MSANTD1: variants seen among roughly 807,000 people sequenced by gnomAD.
MSANTD1 encodes the protein myb/SANT-like DNA-binding domain-containing protein 1.
In MSANTD1, 7 loss-of-function variants were observed where a neutral mutation model predicts 24.2. The ratio of observed to expected loss-of-function variants is 0.29; its 90% CI spans 0.16 to 0.54. The LOEUF (loss-of-function observed/expected upper bound fraction) is 0.54. MSANTD1 is among the 20% of genes least tolerant of loss of function. MSANTD1 has a pLI of 0.94. For missense variants in MSANTD1, 384 were observed against 408.2 expected (o/e 0.94, Z 0.51); for synonymous variants, 177 against 181.1 (o/e 0.98, Z 0.18).
rs774932231 is a variant in MSANTD1, at chr4:3,253,333, G to A, written c.447G>A (p.Pro149=). 1.1e-5 allele frequency: 17 copies of A among 1,609,976 alleles called. No individual in the cohort carries two copies. Among genetic ancestry groups the A allele is most frequent in the East Asian group, 2.2e-5 (1 of 44,816 alleles). The change falls in exon 2 of 3, where the codon CCG becomes CCA. Residue 149 remains proline (P), a synonymous_variant. Transcript: ENST00000438480. Reference sequence around the variant, plus strand: ...GCAAACTGCCGGACAGCCAGCCGCCGGGGCCCTCCACGTCCCAGACCGAGG... The same window carrying A: ...GCAAACTGCCGGACAGCCAGCCGCCAGGGCCCTCCACGTCCCAGACCGAGG... ...CDGKLPDSQP[P]GPSTSQTEAS...
In MSANTD1 at chr4:3,254,707, G is replaced by C. The variant is rs362288; in HGVS notation, c.597-1018G>C. Reference sequence around the variant, plus strand: ...GCAGAGCTCTCAGGAGGCGCCCACAGGGCTGGACTGCCTTTACTCACCACC... The same window carrying C: ...GCAGAGCTCTCAGGAGGCGCCCACACGGCTGGACTGCCTTTACTCACCACC... On this transcript the variant is annotated intron_variant, in intron 2 of 2. Transcript: ENST00000438480. 1.2e-3 allele frequency among the ~76,000 whole-genome samples: 183 copies of C among 152,344 alleles called. 2 individuals carry two copies. Among genetic ancestry groups the C allele is most frequent in the African/African-American group, 4.3e-3 (178 of 41,580 alleles).
In MSANTD1 at chr4:3,255,834, G is replaced by T; in HGVS notation, c.706G>T (p.Ala236Ser). The change falls in exon 3 of 3, where the codon GCC (alanine) becomes TCC (serine). Residue 236 changes from alanine (A) to serine (S), a missense_variant. Coordinates refer to ENST00000438480, the MANE Select transcript of MSANTD1 (RefSeq NM_001042690.2). ...GGAGGAGCAGCGCCGGCTGAGCCGC[G>T]CCGTGGAGGAGACCTGCCGCGAGGT... The part of the protein sequence containing the change: ...MVEEQRRLSR[A>S]VEETCREVRR... The T allele has an allele frequency of 1.3e-6, 2 of 1,545,578 alleles. No individual in the cohort carries two copies. The highest frequency in any genetic ancestry group is 2.0e-5 in the Admixed American group (1 of 50,988).
chr4:3,252,978 G>T (rs1314078173), intron 1 of MSANTD1, among the ~76,000 whole-genome samples: 1 of 152,242 alleles, frequency 6.6e-6, no homozygotes, highest in Non-Finnish European at 1.5e-5. Flanking sequence ...ACTGGGACGT[G>T]TGCTTCCTTT....
Position 3,249,329 on chromosome 4 carries a change from A to C in MSANTD1, c.107A>C (p.Gln36Pro), listed in dbSNP as rs766024388. The change falls in exon 1 of 3, where the codon CAG becomes CCG. Residue 36 changes from glutamine to proline, a missense_variant. Coordinates refer to ENST00000438480, the MANE Select transcript of MSANTD1 (RefSeq NM_001042690.2). ...AEGPGYLVSP[Q>P]AEKHRRARNW... is the part of the protein sequence containing the mutation. The stretch of plus-strand genomic sequence containing the variant: ...GGGCCCGGCTACCTCGTGTCTCCCC[A>C]GGCGGAGAAGCACCGGCGGGCCCGC... 6.4e-7 allele frequency: 1 copy of C among 1,551,258 alleles called. No individual in the cohort carries two copies. The highest frequency in any genetic ancestry group is 2.4e-5 in the East Asian group (1 of 41,438).
chr4:3,253,849 G>A (rs2110322420), intron 2 of MSANTD1, among the ~76,000 whole-genome samples: 1 of 152,334 alleles, frequency 6.6e-6, no homozygotes, highest in South Asian at 2.1e-4. Flanking sequence ...CCAAGCCCCA[G>A]ACCCCAGAAT....
chr4:3,250,379 C>G (rs1722186777), intron 1 of MSANTD1, among the ~76,000 whole-genome samples: 1 of 152,178 alleles, frequency 6.6e-6, no homozygotes, highest in South Asian at 2.1e-4. Context: ...GGTGTGGTCC[C>G]ACACACCCAG....
chr4:3,254,136 G>A (rs1371897904), intron 2 of MSANTD1, among the ~76,000 whole-genome samples: 1 of 152,222 alleles, frequency 6.6e-6, no homozygotes, highest in Non-Finnish European at 1.5e-5. Context: ...TTGAGGAGGG[G>A]ACATTTGGGG....
At chr4:3,250,919 C>T (rs80128902) in intron 1 of MSANTD1, among the ~76,000 whole-genome samples, 2 of 152,264 alleles carry the variant, frequency 1.3e-5, no homozygotes. Flanking sequence ...CCGGACAGAC[C>T]GCCAGCCTGT....
In MSANTD1 at chr4:3,254,248, T is replaced by A. The variant is rs373734357; in HGVS notation, c.596+766T>A. On this transcript the variant is annotated intron_variant, in intron 2 of 2. Transcript: ENST00000438480. ...TCCCCTGCCCTGGTCTTCAAGTCTT[T>A]CTGACAGGAGGTGTCAGAAAAGTAT... Among the ~76,000 whole-genome samples, 18 of 152,340 alleles carry A rather than the reference T, an allele frequency of 1.2e-4. No homozygotes were observed. The East Asian group carries it at 3.1e-3, about 26-fold the overall frequency.
upstream of MSANTD1, chr4:3,247,878 C>T (rs577516231): frequency 1.3e-5 from 2 of 152,308 alleles, no homozygotes; most frequent in African/African-American, 4.8e-5. Flanking sequence ...GCCTCGGTCC[C>T]ACCTCCAAGG....
At chr4:3,253,534 A>G (rs751056991) in intron 2 of MSANTD1, 52 bp downstream of exon 2, 16 of 1,430,430 alleles carry the variant, frequency 1.1e-5, no homozygotes, top group Non-Finnish European at 1.5e-5. Context: ...AGCCCCCACC[A>G]TTTAGAGAAA....
upstream of MSANTD1, chr4:3,248,864 C>A (rs947759196): frequency 1.3e-5 from 3 of 222,870 alleles, no homozygotes; most frequent in Non-Finnish European, 2.6e-5. Context: ...CCCCCTTTCT[C>A]CTTGCCTGTT....
At chr4:3,250,574 G>A (rs1006636298) in intron 1 of MSANTD1, among the ~76,000 whole-genome samples, 2 of 152,200 alleles carry the variant, frequency 1.3e-5, no homozygotes, top group Admixed American at 1.3e-4. Flanking sequence ...GTGTGGGGAG[G>A]GTCTTGCACG....
chr4:3,250,911 G>A (rs928748548), intron 1 of MSANTD1, among the ~76,000 whole-genome samples: 4 of 152,258 alleles, frequency 2.6e-5, no homozygotes, highest in African/African-American at 9.6e-5. Flanking sequence ...GCAAGGCCCC[G>A]GACAGACCGC....
At chr4:3,245,797 G>T (rs1003935082), upstream of MSANTD1, among the ~76,000 whole-genome samples, 2 of 148,664 alleles carry the variant, frequency 1.3e-5, no homozygotes, top group African/African-American at 2.6e-5. Flanking sequence ...ACATCCTCTG[G>T]GGGGGCCCGC....
upstream of MSANTD1, among the ~76,000 whole-genome samples, chr4:3,245,871 G>A (rs1382906457): frequency 6.6e-6 from 1 of 152,186 alleles, no homozygotes; most frequent in Non-Finnish European, 1.5e-5. Flanking sequence ...GGGTGTCTGG[G>A]CCCTGGGTGG....
At chr4:3,248,919 T>C (rs1391591493), upstream of MSANTD1, 1 of 314,424 alleles carries the variant, frequency 3.2e-6, no homozygotes, top group East Asian at 5.1e-5. Context: ...GGGGCGGCAC[T>C]GAACTGGGGG....
intron 1 of MSANTD1, among the ~76,000 whole-genome samples, chr4:3,252,379 G>A (rs531284221): frequency 2.6e-4 from 40 of 152,376 alleles, no homozygotes; most frequent in African/African-American, 9.6e-4. Flanking sequence ...GTAGGTGGGT[G>A]CTGGGGGTCC....
At chr4:3,249,087 C>A (rs1722126132), upstream of MSANTD1, 3 of 728,634 alleles carry the variant, frequency 4.1e-6, no homozygotes, top group Non-Finnish European at 6.0e-6. Context: ...TGCAGTTGCT[C>A]TGTTGCTATG....
Sources: allele counts gnomAD v4.1 joint callset (sites outside exome capture counted in the v4.1 genomes callset), GRCh38; gene constraint gnomAD v4.1.1; transcripts MANE v1.5; gene names NCBI Gene and HGNC (gene_info 2026-07-23, HGNC 2026-07-21).